RGS22: variants seen among roughly 807,000 people sequenced by gnomAD.
RGS22 encodes the protein regulator of G-protein signaling 22.
RGS22 carries 148 observed loss-of-function variants against 172.9 expected under a neutral mutation model. The observed-to-expected ratio is 0.86, with a 90% CI of 0.75 to 0.98. The LOEUF is 0.98. RGS22 is among the 50% of genes least tolerant of loss of function. RGS22 has a pLI of 0.00. For missense variants in RGS22, 1,347 were observed against 1,440.8 expected (o/e 0.93, Z 1.05); for synonymous variants, 458 against 480.2 (o/e 0.95, Z 0.60).
At chr8:100,020,420 A>T (rs1236932788) in intron 14 of RGS22, among the ~76,000 whole-genome samples, 1 of 152,220 alleles carries the variant, frequency 6.6e-6, no homozygotes, top group Non-Finnish European at 1.5e-5. Flanking sequence ...GGACCTGGTG[A>T]TTCTGGAGGA....
rs563899255 is a variant in RGS22 at position 100,051,712 on chromosome 8, A to C, written c.1689+1090T>G. The stretch of plus-strand genomic sequence containing the variant: ...ATATATTTATATATACGTATATATA[A>C]ATATATATTTATATATACGTATATA... On this transcript the variant is annotated intron_variant, in intron 10 of 27. Transcript: ENST00000360863. Among the ~76,000 whole-genome samples, 30 of 14,084 alleles carry C rather than the reference A, an allele frequency of 2.1e-3. 8 individuals carry two copies. Among genetic ancestry groups the C allele is most frequent in the African/African-American group, 7.6e-3 (13 of 1,712 alleles). 9.2% of individuals were successfully genotyped at this position (14,084 alleles called of 152,430 possible).
intron 20 of RGS22, among the ~76,000 whole-genome samples, chr8:99,988,489 G>A (rs1014421277): frequency 4.6e-5 from 7 of 152,028 alleles, no homozygotes; most frequent in Non-Finnish European, 8.8e-5. Flanking sequence ...TAATATTTAA[G>A]TTTCCCAAAG....
At chr8:99,992,926 A>G (rs1383987833) in intron 20 of RGS22, among the ~76,000 whole-genome samples, 1 of 152,240 alleles carries the variant, frequency 6.6e-6, no homozygotes, top group Non-Finnish European at 1.5e-5. Flanking sequence ...CTCTTGGACC[A>G]CAGTGCAATC....
At chr8:100,096,670 A>ATTTTTT (rs776862906) in intron 2 of RGS22, among the ~76,000 whole-genome samples, 1 of 137,928 alleles carries the variant, frequency 7.3e-6, no homozygotes. Flanking sequence ...ATTTAAAAAA[A>ATTTTTT]ATTTTTTTTT....
At chr8:100,032,782 G>A (rs1818977782) in intron 14 of RGS22, among the ~76,000 whole-genome samples, 1 of 152,132 alleles carries the variant, frequency 6.6e-6, no homozygotes, top group Non-Finnish European at 1.5e-5. Context: ...ACACTCCTCA[G>A]CAAATGTAAA....
At chr8:99,965,153 T>A (rs941661672) in intron 24 of RGS22, among the ~76,000 whole-genome samples, 182 bp downstream of exon 24, 19 of 152,216 alleles carry the variant, frequency 1.2e-4, no homozygotes, top group African/African-American at 4.3e-4. Context: ...TTAAACTATC[T>A]GGGATTGGCT....
intron 23 of RGS22, among the ~76,000 whole-genome samples, chr8:99,968,960 A>C (rs1177928099): frequency 6.6e-6 from 1 of 152,200 alleles, no homozygotes; most frequent in African/African-American, 2.4e-5. Flanking sequence ...GAAGGAAAAA[A>C]TATTAGGGGC....
intron 2 of RGS22, among the ~76,000 whole-genome samples, chr8:100,103,408 GA>G (rs1386683609): frequency 1.3e-5 from 2 of 152,174 alleles, no homozygotes; most frequent in African/African-American, 2.4e-5. Flanking sequence ...AGGGGATGAA[GA>G]AAAGGGAAGA....
chr8:99,995,754 T>C (rs572091048), intron 20 of RGS22, among the ~76,000 whole-genome samples: 17 of 152,362 alleles, frequency 1.1e-4, no homozygotes, highest in Admixed American at 3.3e-4. Flanking sequence ...AGCAATCCCA[T>C]TACTGGGTAT....
chr8:100,028,890 G>C (rs76160871), intron 14 of RGS22, among the ~76,000 whole-genome samples: 1 of 152,248 alleles, frequency 6.6e-6, no homozygotes, highest in African/African-American at 2.4e-5. Context: ...TTCTAATCAA[G>C]AGAATATAGC....
chr8:100,008,719 A>G, intron 14 of RGS22, 150 bp from the exon 15 acceptor site: 1 of 573,470 alleles, frequency 1.7e-6, no homozygotes, highest in Non-Finnish European at 3.0e-6. Flanking sequence ...ACTACTTAAC[A>G]CGAAGCAATG....
In RGS22 at chr8:99,999,305, A is replaced by C; in HGVS notation, c.2906T>G (p.Leu969Trp). The C allele has an allele frequency of 6.2e-7, 1 of 1,613,952 alleles. No individual in the cohort carries two copies. The highest frequency in any genetic ancestry group is 8.5e-7 in the Non-Finnish European group (1 of 1,179,942). The change falls in exon 19 of 28, where the codon TTG becomes TGG. Residue 969 changes from leucine (L) to tryptophan (W), a missense_variant. Leu to Trp is a moderately conservative substitution (Grantham distance 61). Coordinates refer to ENST00000360863, the MANE Select transcript of RGS22 (RefSeq NM_015668.5). The part of the protein sequence containing the change: ...QNRLENVWLP[L>W]FLASEQFAAR... ...TGCAAACTGTTCACTTGCAAGAAAC[A>C]ATGGCAGCCATACATTTTCTAGCCT...
intron 14 of RGS22, among the ~76,000 whole-genome samples, chr8:100,010,705 C>T (rs1270937510): frequency 1.8e-4 from 27 of 151,934 alleles, no homozygotes; most frequent in Admixed American, 1.8e-3. Flanking sequence ...ACAGTAGATG[C>T]CATAAACATT....
chr8:99,971,145 G>A (rs1164710484), intron 23 of RGS22, among the ~76,000 whole-genome samples: 1 of 152,150 alleles, frequency 6.6e-6, no homozygotes, highest in Non-Finnish European at 1.5e-5. Flanking sequence ...TATCTCAATA[G>A]ATGCAGAAAA....
At chr8:100,078,946 T>G (rs1756372862) in intron 4 of RGS22, among the ~76,000 whole-genome samples, 1 of 152,224 alleles carries the variant, frequency 6.6e-6, no homozygotes, top group African/African-American at 2.4e-5. Context: ...TACTTATGCC[T>G]CTTTCTAAAA....
At chr8:99,999,716 T>C (rs1300361771) in intron 18 of RGS22, among the ~76,000 whole-genome samples, 1 of 152,180 alleles carries the variant, frequency 6.6e-6, no homozygotes, top group Non-Finnish European at 1.5e-5. Flanking sequence ...GGCATTTTTT[T>C]CCCTCCATGG....
chr8:100,017,099 G>A (rs968319882), intron 14 of RGS22, among the ~76,000 whole-genome samples: 1 of 140,552 alleles, frequency 7.1e-6, no homozygotes, highest in African/African-American at 2.6e-5. Context: ...CTGGGCTCAA[G>A]CAATCCTCTT....
intron 3 of RGS22, among the ~76,000 whole-genome samples, chr8:100,081,026 T>C (rs1013390505): frequency 3.3e-5 from 5 of 152,162 alleles, no homozygotes; most frequent in African/African-American, 9.6e-5. Context: ...CTGAACATTT[T>C]TGGGGCCTCC....
Position 100,063,799 on chromosome 8 carries a change from A to T in RGS22, c.969T>A (p.Ile323=). 1 of 1,614,042 alleles carries T rather than the reference A, an allele frequency of 6.2e-7. No individual in the cohort carries two copies. Among genetic ancestry groups the T allele is most frequent in the East Asian group, 2.2e-5 (1 of 44,866 alleles). The change falls in exon 8 of 28, where the codon ATT becomes ATA. Residue 323 remains isoleucine, a synonymous_variant. Coordinates refer to ENST00000360863, the MANE Select transcript of RGS22 (RefSeq NM_015668.5). The part of the protein sequence containing the change: ...EEFLSSYIYF[I]LRGAIQQIVG... ...CAATTTGCTGAATTGCTCCTCTCAAAATAAAGTATATATAGGAGCTTAAAA... is the reference window on the plus strand; with the variant it reads ...CAATTTGCTGAATTGCTCCTCTCAATATAAAGTATATATAGGAGCTTAAAA...
Sources: gnomAD v4.1 joint callset for allele counts (sites outside exome capture counted in the v4.1 genomes callset) on GRCh38, gnomAD v4.1.1 for gene constraint, MANE v1.5 for transcripts, NCBI Gene and HGNC (gene_info 2026-07-23, HGNC 2026-07-21) for gene names.